Variants in KLHL33 observed in about 807,000 individuals in gnomAD.
KLHL33 encodes the protein kelch-like protein 33.
In KLHL33, 46 loss-of-function variants were observed where a neutral mutation model predicts 60.8. The observed-to-expected ratio is 0.76, with a 90% confidence interval of 0.60 to 0.97. The LOEUF is 0.97. KLHL33 is among the 50% of genes least tolerant of loss of function. The pLI, the probability that KLHL33 is intolerant of heterozygous loss-of-function variation, is 0.00. For synonymous variants in KLHL33, 434 were observed against 432.2 expected (o/e 1.00, Z -0.05); for missense variants, 1,055 against 1,000.0 (o/e 1.05, Z -0.74).
intron 2 of KLHL33, among the ~76,000 whole-genome samples, chr14:20,432,868 G>A (rs1311197458): frequency 1.3e-5 from 2 of 149,726 alleles, no homozygotes; most frequent in Non-Finnish European, 2.9e-5. Flanking sequence ...GCTGCAGTGA[G>A]CCGAGATCGT....
intron 2 of KLHL33, among the ~76,000 whole-genome samples, chr14:20,432,984 A>AAGAAAGAAAGAG (rs1016426715): frequency 6.6e-6 from 1 of 151,490 alleles, no homozygotes; most frequent in Non-Finnish European, 1.5e-5. Context: ...GAAAGAAAGA[A>AAGAAAGAAAGAG]AGAGAGAAAT....
chr14:20,433,093 T>C (rs1474160796), intron 2 of KLHL33, among the ~76,000 whole-genome samples: 2 of 152,340 alleles, frequency 1.3e-5, no homozygotes, highest in Non-Finnish European at 2.9e-5. Context: ...CACAGAATTG[T>C]CTTCTTTTAA....
At position 20,435,457 on chromosome 14, in the gene KLHL33, C is replaced by G. The variant is rs1029505335; in HGVS notation, c.355G>C (p.Val119Leu). 6 of 1,234,524 alleles carry G rather than the reference C, an allele frequency of 4.9e-6. No homozygotes were observed. Among genetic ancestry groups the G allele is most frequent in the Non-Finnish European group, 6.1e-6 (6 of 988,256 alleles). The allele number at this position is 1,234,524 out of a possible 1,614,324, so 76.5% of individuals were successfully genotyped here. A position where few individuals can be genotyped will look rare whatever the true frequency, so the allele number is the denominator to read the frequency against. The change falls in exon 2 of 5, where the codon GTC (valine) becomes CTC (leucine). Residue 119 changes from valine (V) to leucine (L), a missense_variant. Coordinates refer to ENST00000636854, the MANE Select transcript of KLHL33 (RefSeq NM_001365790.2). ...QRLLLDEEVS[V>L]AGRVYGVHRV... ...TGCACCCCGTATACCCGCCCCGCGA[C>G]TGACACCTCTTCGTCCAGCAACAGT...
Position 20,430,058 on chromosome 14 carries a change from C to T in KLHL33, c.1410G>A (p.Glu470=), listed in dbSNP as rs1488638888. 2 of 1,551,772 alleles carry T rather than the reference C, an allele frequency of 1.3e-6. No individual in the cohort carries two copies. The highest frequency in any genetic ancestry group is 2.4e-5 in the East Asian group (1 of 40,924). ...ADVPGQERRR[E]PDRALVVIGG... ...CAATCACTACCAGTGCCCGGTCAGGCTCCCTCCGTCTCTCTTGGCCTGGAA... is the reference window on the plus strand; with the variant it reads ...CAATCACTACCAGTGCCCGGTCAGGTTCCCTCCGTCTCTCTTGGCCTGGAA... Residue 470 remains glutamate (E), a synonymous_variant, in exon 3 of 5, where the codon GAG becomes GAA. Transcript: ENST00000636854.
chr14:20,435,054 AGGCCCTCACCCGACAGCT>A lies in KLHL33; in HGVS notation c.740_748+9del, dbSNP rs1418768864. The A allele has an allele frequency of 2.7e-5, 33 of 1,234,348 alleles. No individual in the cohort carries two copies. The highest frequency in any genetic ancestry group is 1.3e-4 in the Admixed American group (3 of 23,710). The allele number at this position is 1,234,348 out of a possible 1,614,324, so 76.5% of individuals were successfully genotyped here. Reference sequence around the variant, plus strand: ...CACCTGCAGTAATTTAATGCCCCACAGGCCCTCACCCGACAGCTGGCAGCCGCCTGCCTCCAGCTTCAA... The same window carrying A: ...CACCTGCAGTAATTTAATGCCCCACAGGCAGCCGCCTGCCTCCAGCTTCAA... On this transcript the variant is annotated splice_donor_variant and splice_donor_5th_base_variant and coding_sequence_variant and intron_variant, in exon 2 of 5. Transcript: ENST00000636854. LOFTEE classifies it high-confidence loss of function.
intron 2 of KLHL33, among the ~76,000 whole-genome samples, 168 bp downstream of exon 2, chr14:20,434,896 T>C (rs1013916988): frequency 6.6e-6 from 1 of 152,172 alleles, no homozygotes; most frequent in Non-Finnish European, 1.5e-5. Flanking sequence ...CGACTGCGCA[T>C]GCCCGGCTCT....
Position 20,430,473 on chromosome 14 carries a change from C to G in KLHL33, c.995G>C (p.Arg332Pro). 1.2e-5 allele frequency: 18 copies of G among 1,551,160 alleles called. No individual in the cohort carries two copies. Among genetic ancestry groups the G allele is most frequent in the Non-Finnish European group, 1.5e-5 (17 of 1,147,018 alleles). Residue 332 changes from arginine (R) to proline (P), a missense_variant, in exon 3 of 5, where the codon CGG (arginine) becomes CCG (proline). Arg to Pro is a moderately radical substitution (Grantham distance 103). Coordinates refer to ENST00000636854, the MANE Select transcript of KLHL33 (RefSeq NM_001365790.2). The part of the protein sequence containing the change: ...CLDLCQKGLA[R>P]GLSPARCLAL... The stretch of plus-strand genomic sequence containing the variant: ...CAGGCAACGGGCAGGGCTGAGGCCC[C>G]GTGCCAAGCCTTTCTGACACAAATC...
chr14:20,430,376 G>A lies in KLHL33; in HGVS notation c.1092C>T (p.Thr364=). 1 of 1,551,836 alleles carries A rather than the reference G, an allele frequency of 6.4e-7. No homozygotes were observed. Among genetic ancestry groups the A allele is most frequent in the Non-Finnish European group, 8.7e-7 (1 of 1,147,022 alleles). Residue 364 remains threonine (T), a synonymous_variant, in exon 3 of 5, where the codon ACC becomes ACT. Transcript: ENST00000636854. ...GACACAAGGCTACAGCAGGCAGGTGGGTGAGGAGGTAGTGACGGGCTTTGC... is the reference window on the plus strand; with the variant it reads ...GACACAAGGCTACAGCAGGCAGGTGAGTGAGGAGGTAGTGACGGGCTTTGC... The part of the protein sequence containing the change: ...LWSKARHYLL[T]HLPAVALCPA...
chr14:20,434,923 G>T (rs957527174), intron 2 of KLHL33, 141 bp downstream of exon 2: 3 of 666,788 alleles, frequency 4.5e-6, no homozygotes, highest in African/African-American at 1.9e-5. Flanking sequence ...GGCAGGAGAG[G>T]CACCAAAGGC....
rs917803531 is a variant in KLHL33 at position 20,429,094 on chromosome 14, A to C, written c.2149T>G (p.Ser717Ala). Reference protein sequence around the residue: ...DSWTHLAPLPSPHVGAASAVL... With the variant: ...DSWTHLAPLPAPHVGAASAVL... ...GCACTTGCAGCCCCCACATGGGGGG[A>C]GGGTAGGGGTGCCAGGTGAGTCCAG... Residue 717 changes from serine (S) to alanine (A), a missense_variant, in exon 5 of 5, where the codon TCC (serine) becomes GCC (alanine). Ser to Ala is a moderately conservative substitution (Grantham distance 99). Coordinates refer to ENST00000636854, the MANE Select transcript of KLHL33 (RefSeq NM_001365790.2). 6.4e-7 allele frequency: 1 copy of C among 1,551,558 alleles called. No homozygotes were observed. Among genetic ancestry groups the C allele is most frequent in the South Asian group, 1.2e-5 (1 of 84,054 alleles).
At position 20,435,346 on chromosome 14, in the gene KLHL33, C is replaced by A. The variant is rs1880653518; in HGVS notation, c.466G>T (p.Val156Leu). ...ACGGCCTCCCAGCCCCCTGGGGACA[C>A]CTCGAGGCTGAAGGGGGGCCGCGGA... ...GGPRPPFSLE[V>L]SPGGWEAVLT... The change falls in exon 2 of 5, where the codon GTG becomes TTG. Residue 156 changes from valine (V) to leucine (L), a missense_variant. Physicochemically the swap from Val to Leu is conservative, Grantham distance 32. Coordinates refer to ENST00000636854, the MANE Select transcript of KLHL33 (RefSeq NM_001365790.2). 1 of 1,234,334 alleles carries A rather than the reference C, an allele frequency of 8.1e-7. No homozygotes were observed. Among genetic ancestry groups the A allele is most frequent in the Non-Finnish European group, 1.0e-6 (1 of 988,136 alleles). The allele number at this position is 1,234,334 out of a possible 1,614,324, so 76.5% of individuals were successfully genotyped here. A position where few individuals can be genotyped will look rare whatever the true frequency, so the allele number is the denominator to read the frequency against.
chr14:20,433,688 A>T (rs1268426081), intron 2 of KLHL33, among the ~76,000 whole-genome samples: 1 of 152,258 alleles, frequency 6.6e-6, no homozygotes, highest in Non-Finnish European at 1.5e-5. Context: ...TCCTAGGGAA[A>T]TAAAAGCAGT....
chr14:20,428,815 T>C lies in KLHL33; in HGVS notation c.*34A>G. ...TGTCCTTCTCTCAGGCTATTTCTTA[T>C]GCCCTCCTCTCCCCATACACTGTTG... is the stretch of plus-strand genomic sequence containing the variant. On this transcript the variant is annotated 3_prime_UTR_variant, in exon 5 of 5. Coordinates refer to ENST00000636854, the MANE Select transcript of KLHL33 (RefSeq NM_001365790.2). 6.7e-7 allele frequency: 1 copy of C among 1,503,386 alleles called. No homozygotes were observed. Among genetic ancestry groups the C allele is most frequent in the Non-Finnish European group, 9.0e-7 (1 of 1,111,242 alleles). 93.1% of individuals were successfully genotyped at this position (1,503,386 alleles called of 1,614,324 possible).
rs1429418031 is a variant in KLHL33 at position 20,435,746 on chromosome 14, C to A, written c.66G>T (p.Arg22Ser). The A allele has an allele frequency of 4.1e-6, 5 of 1,234,406 alleles. No homozygotes were observed. Among genetic ancestry groups the A allele is most frequent in the Non-Finnish European group, 5.1e-6 (5 of 988,306 alleles). 76.5% of individuals were successfully genotyped at this position (1,234,406 alleles called of 1,614,324 possible). A position where few individuals can be genotyped will look rare whatever the true frequency, so the allele number is the denominator to read the frequency against. Residue 22 changes from arginine to serine, a missense_variant, in exon 2 of 5, where the codon AGG (arginine) becomes AGT (serine). Physicochemically the swap from Arg to Ser is moderately radical, Grantham distance 110. Coordinates refer to ENST00000636854, the MANE Select transcript of KLHL33 (RefSeq NM_001365790.2). Reference protein sequence around the residue: ...ELESVSHPVQRDCLGLLVHAQ... With the variant: ...ELESVSHPVQSDCLGLLVHAQ... ...CGTGCACAAGGAGTCCAAGGCAGTC[C>A]CTCTGGACGGGATGAGAGACACTCT...
rs376086238 is a variant in KLHL33 at position 20,430,602 on chromosome 14, C to T, written c.866G>A (p.Arg289Gln). The T allele has an allele frequency of 2.0e-6, 3 of 1,537,020 alleles. No homozygotes were observed. Among genetic ancestry groups the T allele is most frequent in the Middle Eastern group, 1.8e-4 (1 of 5,482 alleles). Residue 289 changes from arginine to glutamine, a missense_variant, in exon 3 of 5, where the codon CGA becomes CAA. Physicochemically the swap from Arg to Gln is conservative, Grantham distance 43. Transcript: ENST00000636854. ...SLRTISTQDL[R>Q]LLVSFAYSGV... ...GGAGTAAGCAAAAGAGACGAGGAGT[C>T]GCAGGTCCTGGGTGGAGATCGTCCG...
Position 20,430,409 on chromosome 14 carries a change from C to A in KLHL33, c.1059G>T (p.Arg353Ser). The change falls in exon 3 of 5, where the codon AGG (arginine) becomes AGT (serine). Residue 353 changes from arginine to serine, a missense_variant. Transcript: ENST00000636854. ...FPMAEAPGLE[R>S]LWSKARHYLL... ...GGTAGTGACGGGCTTTGCTCCAGAGCCTCTCCAACCCAGGGGCTTCCGCCA... is the reference window on the plus strand; with the variant it reads ...GGTAGTGACGGGCTTTGCTCCAGAGACTCTCCAACCCAGGGGCTTCCGCCA... 1 of 1,551,774 alleles carries A rather than the reference C, an allele frequency of 6.4e-7. No individual in the cohort carries two copies. Among genetic ancestry groups the A allele is most frequent in the Non-Finnish European group, 8.7e-7 (1 of 1,147,024 alleles).
At position 20,435,245 on chromosome 14, in the gene KLHL33, T is replaced by C. The variant is rs1880648241; in HGVS notation, c.567A>G (p.Gly189=). ...GDVLAAAEAL[G]APRVKAAAQQ... ...GGGCAGCAGCCTTCACCCGGGGCGC[T>C]CCCAGCGCCTCTGCTGCGGCCAGCA... The change falls in exon 2 of 5, where the codon GGA becomes GGG. Residue 189 remains glycine (G), a synonymous_variant. Transcript: ENST00000636854. 4 of 1,234,188 alleles carry C rather than the reference T, an allele frequency of 3.2e-6. No individual in the cohort carries two copies. Among genetic ancestry groups the C allele is most frequent in the Non-Finnish European group, 3.0e-6 (3 of 988,186 alleles). The allele number at this position is 1,234,188 out of a possible 1,614,324, so 76.5% of individuals were successfully genotyped here.
chr14:20,430,837 A>G (rs1880491882), intron 2 of KLHL33, 118 bp from the exon 3 acceptor site: 1 of 583,358 alleles, frequency 1.7e-6, no homozygotes, highest in Non-Finnish European at 2.9e-6. Flanking sequence ...CAAGCCACCC[A>G]CTGCTACAGA....
In KLHL33 at chr14:20,433,097, C is replaced by G. The variant is rs1397531102; in HGVS notation, c.748+1967G>C. On this transcript the variant is annotated intron_variant, in intron 2 of 4. Transcript: ENST00000636854. ...ACACCTAGTCCCACAGAATTGTCTT[C>G]TTTTAAAAAGATACATACCCAAATA... 2.0e-5 allele frequency among the ~76,000 whole-genome samples: 3 copies of G among 152,046 alleles called. No homozygotes were observed. In the East Asian group the frequency reaches 5.8e-4, roughly 29 times the overall value.
Sources: gnomAD v4.1 joint callset for allele counts (sites outside exome capture counted in the v4.1 genomes callset) on GRCh38, gnomAD v4.1.1 for gene constraint, MANE v1.5 for transcripts, NCBI Gene and HGNC (gene_info 2026-07-23, HGNC 2026-07-21) for gene names.